The following RAD50 variants were observed in gnomAD, a reference collection of about 807,000 sequenced individuals.
RAD50 encodes DNA repair protein RAD50.
In RAD50, 132 loss-of-function variants were observed where a neutral mutation model predicts 168.8. The ratio of observed to expected loss-of-function variants is 0.78; its 90% CI spans 0.68 to 0.90. The LOEUF is 0.90. RAD50 is among the 40% of genes least tolerant of loss of function. RAD50 has a pLI of 0.00. For missense variants in RAD50, 1,347 were observed against 1,534.4 expected, an observed-to-expected ratio of 0.88 and a Z score of 2.04; for synonymous variants, 525 against 497.4, an observed-to-expected ratio of 1.06 and a Z score of -0.74.
At chr5:132,617,099 G>A (rs547030831) in intron 20 of RAD50, among the ~76,000 whole-genome samples, 1 of 152,098 alleles carries the variant, frequency 6.6e-6, no homozygotes, top group African/African-American at 2.4e-5. Context: ...AGGAAATTAT[G>A]ATGAAAGCCA....
intron 9 of RAD50, among the ~76,000 whole-genome samples, 189 bp from the exon 10 acceptor site, chr5:132,591,035 T>C (rs911919747): frequency 6.6e-6 from 1 of 152,238 alleles, no homozygotes; most frequent in African/African-American, 2.4e-5. Flanking sequence ...CATTATAACA[T>C]AGTAAGGTCA....
Position 132,557,131 on chromosome 5 carries a change from A to AGGCTCC in RAD50, c.-193_-188dup, listed in dbSNP as rs1750011086. 1 of 781,088 alleles carries AGGCTCC rather than the reference A, an allele frequency of 1.3e-6. No homozygotes were observed. Among genetic ancestry groups the AGGCTCC allele is most frequent in the Admixed American group, 2.3e-5 (1 of 43,138 alleles). The allele number at this position is 781,088 out of a possible 1,614,324, so 48.4% of individuals were successfully genotyped here. On this transcript the variant is annotated 5_prime_UTR_variant, in exon 1 of 25. Transcript: ENST00000378823. ...GGGAAAGCAGCTGGTGTGGGAGGAA[A>AGGCTCC]GGCTCCATCCCCCGCCCCCTCTCTC...
intron 21 of RAD50, among the ~76,000 whole-genome samples, chr5:132,628,863 A>G (rs969109706): frequency 1.3e-5 from 2 of 152,108 alleles, no homozygotes; most frequent in African/African-American, 2.4e-5. Context: ...AAAAAAAGAA[A>G]AAGAAATGGA....
chr5:132,581,972 C>A (rs1238041785), intron 5 of RAD50, among the ~76,000 whole-genome samples: 2 of 151,946 alleles, frequency 1.3e-5, no homozygotes, highest in Non-Finnish European at 2.9e-5. Flanking sequence ...GAGAAAAAAA[C>A]AAGACCTGTA....
intron 16 of RAD50, among the ~76,000 whole-genome samples, chr5:132,608,031 T>G (rs1751015102): frequency 6.6e-6 from 1 of 152,232 alleles, no homozygotes; most frequent in Non-Finnish European, 1.5e-5. Flanking sequence ...AAAGCCCCGT[T>G]CCTTCCAAAA....
intron 2 of RAD50, among the ~76,000 whole-genome samples, chr5:132,571,244 T>C (rs1750299199): frequency 6.6e-6 from 1 of 152,154 alleles, no homozygotes; most frequent in Non-Finnish European, 1.5e-5. Context: ...AGTGAGCACA[T>C]GCTGTTGGAA....
chr5:132,613,118 AG>A (rs1196064715), intron 19 of RAD50, among the ~76,000 whole-genome samples: 4 of 151,982 alleles, frequency 2.6e-5, no homozygotes, highest in African/African-American at 9.7e-5. Flanking sequence ...ATGTTTCCAT[AG>A]GTGACCAGCT....
chr5:132,571,928 A>T (rs1019484667), intron 2 of RAD50, among the ~76,000 whole-genome samples: 1 of 152,230 alleles, frequency 6.6e-6, no homozygotes, highest in South Asian at 2.1e-4. Context: ...TTTCAAAATT[A>T]TCAGTCATGA....
chr5:132,640,552 T>TAAC (rs918842662), intron 23 of RAD50, 120 bp from the exon 24 acceptor site: 1 of 1,398,026 alleles, frequency 7.2e-7, no homozygotes, highest in African/African-American at 1.4e-5. Context: ...GTGCTTTACC[T>TAAC]AACAGTGAAC....
At position 132,608,705 on chromosome 5, in the gene RAD50, A is replaced by T. The variant is rs1561647145; in HGVS notation, c.2809A>T (p.Asn937Tyr). The T allele has an allele frequency of 1.9e-6, 3 of 1,589,046 alleles. No individual in the cohort carries two copies. The highest frequency in any genetic ancestry group is 2.6e-6 in the Non-Finnish European group (3 of 1,167,814). Residue 937 changes from asparagine (N) to tyrosine (Y), a missense_variant, in exon 17 of 25, where the codon AAC becomes TAC. This residue lies in a region of RAD50 where 635 missense variants were observed against 739.2 expected (regional missense o/e 0.86). Coordinates refer to ENST00000378823, the MANE Select transcript of RAD50 (RefSeq NM_005732.4). ...EELINKKNTS[N>Y]KIAQDKLNDI... ...ATTAATCAACAAAAAAAATACAAGC[A>T]ACAAAATAGCACAGGATAAAGTAAG...
chr5:132,567,336 T>A (rs1474206572), intron 2 of RAD50, among the ~76,000 whole-genome samples: 2 of 152,226 alleles, frequency 1.3e-5, no homozygotes, highest in African/African-American at 2.4e-5. Flanking sequence ...TGCAGGGCTA[T>A]ATTCTTTGAG....
intron 22 of RAD50, among the ~76,000 whole-genome samples, chr5:132,637,466 T>C (rs1321540497): frequency 1.3e-5 from 2 of 151,984 alleles, no homozygotes; most frequent in Admixed American, 6.6e-5. Context: ...ATAGTGTAGA[T>C]AGGGATAAGC....
At chr5:132,562,055 T>G (rs998223382) in intron 2 of RAD50, among the ~76,000 whole-genome samples, 1 of 152,160 alleles carries the variant, frequency 6.6e-6, no homozygotes, top group Non-Finnish European at 1.5e-5. Flanking sequence ...TTGTTCAAAA[T>G]CTGGGAAGAA....
rs1046671985 is a variant in RAD50, at chr5:132,643,918, T to C, written c.*1554T>C. 4.3e-6 allele frequency: 1 copy of C among 231,348 alleles called. No homozygotes were observed. The highest frequency in any genetic ancestry group is 8.6e-6 in the Non-Finnish European group (1 of 116,914). 14.3% of individuals were successfully genotyped at this position (231,348 alleles called of 1,614,324 possible). A position where few individuals can be genotyped will look rare whatever the true frequency, so the allele number is the denominator to read the frequency against. On this transcript the variant is annotated 3_prime_UTR_variant, in exon 25 of 25. Transcript: ENST00000378823. ...AAAATTCTGAAAAAATTCTAGCAGC[T>C]ATATTTGATAAAATTCAACATCTCC...
chr5:132,617,925 T>TA, intron 20 of RAD50, 145 bp from the exon 21 acceptor site: 1 of 739,252 alleles, frequency 1.4e-6, no homozygotes, highest in East Asian at 2.6e-5. Flanking sequence ...AAGCCCTAAA[T>TA]AATAAGCAAG....
At position 132,587,942 on chromosome 5, in the gene RAD50, G is replaced by A; in HGVS notation, c.904G>A (p.Glu302Lys). ...KMEKVFQGTD[E>K]QLNDLYHNHQ... is the part of the protein sequence containing the mutation. ...TACACAGGTTTTTCAAGGGACTGAT[G>A]AGCAACTAAATGACTTATATCACAA... The change falls in exon 7 of 25, where the codon GAG becomes AAG. Residue 302 changes from glutamate to lysine, a missense_variant. Transcript: ENST00000378823. 1.2e-6 allele frequency: 2 copies of A among 1,613,068 alleles called. No homozygotes were observed. The highest frequency in any genetic ancestry group is 1.7e-6 in the Non-Finnish European group (2 of 1,179,378).
At chr5:132,614,949 T>G (rs1297828611) in intron 19 of RAD50, among the ~76,000 whole-genome samples, 1 of 152,178 alleles carries the variant, frequency 6.6e-6, no homozygotes, top group African/African-American at 2.4e-5. Flanking sequence ...GCCTTTACTG[T>G]TGGTGCAAGA....
intron 2 of RAD50, among the ~76,000 whole-genome samples, chr5:132,564,125 T>C (rs1336536862): frequency 1.3e-5 from 2 of 152,036 alleles, no homozygotes; most frequent in Non-Finnish European, 2.9e-5. Flanking sequence ...GAGAGTAGGG[T>C]ATTGCTATAA....
In RAD50 at chr5:132,643,734, G is replaced by GGGGGGGGGGGGGGGGGGGGGGC; in HGVS notation, c.*1370_*1371insGGGGGGGGGGGGGGGGGGGGGC. On this transcript the variant is annotated 3_prime_UTR_variant, in exon 25 of 25. Coordinates refer to ENST00000378823, the MANE Select transcript of RAD50 (RefSeq NM_005732.4). ...GGGGGTGGTGGTGGGGTGGGGGGGG[G>GGGGGGGGGGGGGGGGGGGGGGC]TCCTAAATGTAATCACGAGTAAGAT... 1 of 177,114 alleles carries GGGGGGGGGGGGGGGGGGGGGGC rather than the reference G, an allele frequency of 5.6e-6. No individual in the cohort carries two copies. The highest frequency in any genetic ancestry group is 1.2e-5 in the Non-Finnish European group (1 of 84,830). 11.0% of individuals were successfully genotyped at this position (177,114 alleles called of 1,614,324 possible).
Sources: gnomAD v4.1 joint callset for allele counts (sites outside exome capture counted in the v4.1 genomes callset) on GRCh38, gnomAD v4.1.1 for gene constraint, gnomAD v4.1.1 regional missense constraint, MANE v1.5 for transcripts, NCBI Gene and HGNC (gene_info 2026-07-23, HGNC 2026-07-21) for gene names.